Variants in HPS1 observed in about 807,000 individuals in gnomAD.
HPS1 encodes the protein HPS1 biogenesis of lysosomal organelles complex 3 subunit 1, also known as BLOC-3 complex member HPS1.
HPS1 carries 59 observed loss-of-function variants against 90.6 expected under a neutral mutation model. The ratio of observed to expected loss-of-function variants is 0.65; its 90% CI spans 0.53 to 0.81. The LOEUF is 0.81. Ranked by LOEUF, HPS1 falls within the 30% of genes least tolerant of loss-of-function variation. The pLI is 0.00. For synonymous variants in HPS1, 388 were observed against 384.4 expected, an observed-to-expected ratio of 1.01 and a Z score of -0.11; for missense variants, 849 against 896.7, an observed-to-expected ratio of 0.95 and a Z score of 0.68.
chr10:98,439,579 C>A (rs1938038409), intron 3 of HPS1, among the ~76,000 whole-genome samples: 1 of 152,202 alleles, frequency 6.6e-6, no homozygotes, highest in African/African-American at 2.4e-5. Flanking sequence ...AATGCCTATA[C>A]CCCCATTGTG....
At chr10:98,431,102 A>G (rs773688754) in intron 7 of HPS1, 29 bp downstream of exon 7, 9 of 1,612,880 alleles carry the variant, frequency 5.6e-6, no homozygotes, top group African/African-American at 1.3e-5. Flanking sequence ...GGGAGCCTTT[A>G]GCCACCACAT....
chr10:98,436,405 C>A (rs1429024527), intron 3 of HPS1, among the ~76,000 whole-genome samples: 1 of 152,118 alleles, frequency 6.6e-6, no homozygotes, highest in Non-Finnish European at 1.5e-5. Flanking sequence ...ATAGAAAAAA[C>A]GAAGTATTGA....
At chr10:98,413,985 G>A (rs1000162143), downstream of HPS1, 4 of 152,028 alleles carry the variant, frequency 2.6e-5, no homozygotes, top group African/African-American at 9.7e-5. Flanking sequence ...TTGTAAAATT[G>A]TGTGCAGTGT....
chr10:98,420,247 G>A (rs1444048460), intron 17 of HPS1, 89 bp from the exon 18 acceptor site: 24 of 933,164 alleles, frequency 2.6e-5, no homozygotes, highest in Admixed American at 2.3e-4. Flanking sequence ...GGGCACAGCC[G>A]AGAAGCTCCG....
intron 16 of HPS1, among the ~76,000 whole-genome samples, chr10:98,423,381 G>C (rs1022548653): frequency 6.8e-6 from 1 of 146,522 alleles, no homozygotes; most frequent in East Asian, 2.1e-4. Context: ...AATTAACTTT[G>C]GGACAGGAGG....
Position 98,417,798 on chromosome 10 carries a change from G to T in HPS1, c.1941-72C>A. On this transcript the variant is annotated intron_variant, in intron 19 of 19. Coordinates refer to ENST00000361490, the MANE Select transcript of HPS1 (RefSeq NM_000195.5). The surrounding 1 kb of genome is among the most constrained non-coding windows in gnomAD (Gnocchi z 4.2). The stretch of plus-strand genomic sequence containing the variant: ...TCCTCCAGCGCCAGAGGCCTCTCTG[G>T]GCCCTCGCAAGCAAATGCCCATGCC... 6.8e-7 allele frequency: 1 copy of T among 1,462,960 alleles called. No individual in the cohort carries two copies. The allele number at this position is 1,462,960 out of a possible 1,614,324, so 90.6% of individuals were successfully genotyped here.
At position 98,426,352 on chromosome 10, in the gene HPS1, C is replaced by CATTG. The variant is rs536674289; in HGVS notation, c.988-371_988-368dup. On this transcript the variant is annotated intron_variant, in intron 11 of 19. Transcript: ENST00000361490. ...ACAGATGGAGGTATCTAATGTTCAACATTGTATCATTTCAATCACCCTCAG... is the reference window on the plus strand; with the variant it reads ...ACAGATGGAGGTATCTAATGTTCAACATTGATTGTATCATTTCAATCACCCTCAG... Among the ~76,000 whole-genome samples the CATTG allele has an allele frequency of 1.2e-4, 18 of 152,308 alleles. No homozygotes were observed. In the East Asian group the frequency reaches 3.1e-3, roughly 26 times the overall value.
In HPS1 at chr10:98,425,603, C is replaced by T. The variant is rs1157200206; in HGVS notation, c.1273G>A (p.Val425Met). 8.1e-6 allele frequency: 13 copies of T among 1,613,858 alleles called. No individual in the cohort carries two copies. The highest frequency in any genetic ancestry group is 1.7e-4 in the Middle Eastern group (1 of 6,056). Reference protein sequence around the residue: ...PGASLRSQPLVGDLRQRMDKF... With the variant: ...PGASLRSQPLMGDLRQRMDKF... ...TCCATCCTCTGGCGCAGGTCTCCCA[C>T]GAGGGGCTGGGAGCGCAGGGAGGCC... Residue 425 changes from valine to methionine, a missense_variant, in exon 13 of 20, where the codon GTG (valine) becomes ATG (methionine). Physicochemically the swap from Val to Met is conservative, Grantham distance 21. Transcript: ENST00000361490.
At chr10:98,438,944 GT>G (rs1368747119) in intron 3 of HPS1, among the ~76,000 whole-genome samples, 1 of 152,122 alleles carries the variant, frequency 6.6e-6, no homozygotes, top group Non-Finnish European at 1.5e-5. Context: ...GGTGCCCTGC[GT>G]CCTAGCCATG....
rs74154475 is a variant in HPS1, at chr10:98,429,810, C to A, written c.848G>T (p.Gly283Val). The A allele has an allele frequency of 2.0e-5, 32 of 1,613,716 alleles. No individual in the cohort carries two copies. The highest frequency in any genetic ancestry group is 6.6e-5 in the South Asian group (6 of 91,090). Residue 283 changes from glycine to valine, a missense_variant, in exon 9 of 20, where the codon GGG (glycine) becomes GTG (valine). By Grantham distance (109) the Gly-to-Val change is moderately radical. Coordinates refer to ENST00000361490, the MANE Select transcript of HPS1 (RefSeq NM_000195.5). The stretch of plus-strand genomic sequence containing the variant: ...ACACACCGTCTCTGCAGAGCTCCCC[C>A]CAGTTGGGCCCGTGGAGTGAGGGCT... Reference protein sequence around the residue: ...AWSPHSTGPTGGSSAETETDS... With the variant: ...AWSPHSTGPTVGSSAETETDS...
chr10:98,434,382 A>C (rs1465803725), intron 5 of HPS1, among the ~76,000 whole-genome samples: 1 of 151,248 alleles, frequency 6.6e-6, no homozygotes, highest in African/African-American at 2.4e-5. Context: ...GGTGATGCTT[A>C]AGCTTCTCAC....
At chr10:98,446,093 T>C (rs1939468868) in intron 1 of HPS1, among the ~76,000 whole-genome samples, 2 of 152,124 alleles carry the variant, frequency 1.3e-5, no homozygotes, top group East Asian at 1.9e-4. Context: ...CATATTTGAA[T>C]AGAGGGCAGG....
At chr10:98,420,730 T>C (rs1362249842) in intron 17 of HPS1, among the ~76,000 whole-genome samples, 3 of 151,206 alleles carry the variant, frequency 2.0e-5, no homozygotes, top group Non-Finnish European at 2.9e-5. Context: ...AATAATAATA[T>C]TAAAAAAAAA....
In HPS1 at chr10:98,417,976, G is replaced by T. The variant is rs1239920257; in HGVS notation, c.1940+199C>A. 6.6e-6 allele frequency among the ~76,000 whole-genome samples: 1 copy of T among 152,160 alleles called. No homozygotes were observed. Among genetic ancestry groups the T allele is most frequent in the Non-Finnish European group, 1.5e-5 (1 of 68,014 alleles). On this transcript the variant is annotated intron_variant, in intron 19 of 19. Coordinates refer to ENST00000361490, the MANE Select transcript of HPS1 (RefSeq NM_000195.5). This position sits in a 1 kb window ranked among gnomAD's most constrained non-coding sequence, Gnocchi z 4.2. Reference sequence around the variant, plus strand: ...CGTGCTGCCAAGACCATGCCAGCAGGAAGGTGGTAGGAACACAGATGTACC... The same window carrying T: ...CGTGCTGCCAAGACCATGCCAGCAGTAAGGTGGTAGGAACACAGATGTACC...
chr10:98,420,295 C>G, intron 17 of HPS1, 137 bp from the exon 18 acceptor site: 2 of 720,646 alleles, frequency 2.8e-6, no homozygotes, highest in Admixed American at 2.0e-5. Context: ...CGGGCACTGC[C>G]TTGGCTCAGA....
intron 8 of HPS1, 99 bp from the exon 9 acceptor site, chr10:98,429,988 C>T (rs938397847): frequency 2.6e-5 from 26 of 1,009,436 alleles, no homozygotes; most frequent in South Asian, 5.7e-5. Context: ...TCCACCCCTC[C>T]ACCCCTCCAC....
chr10:98,423,355 C>G (rs1007104740), intron 16 of HPS1, among the ~76,000 whole-genome samples: 6 of 139,200 alleles, frequency 4.3e-5, no homozygotes, highest in African/African-American at 1.1e-4. Context: ...CATAAAGGGT[C>G]TTTATGGCTT....
rs991248223 is a variant in HPS1 at position 98,422,084 on chromosome 10, G to A, written c.1743+285C>T. Among the ~76,000 whole-genome samples the A allele has an allele frequency of 3.3e-5, 5 of 152,158 alleles. 1 individual carries two copies. In the South Asian group the frequency reaches 1.0e-3, roughly 32 times the overall value. On this transcript the variant is annotated intron_variant, in intron 17 of 19. Coordinates refer to ENST00000361490, the MANE Select transcript of HPS1 (RefSeq NM_000195.5). ...AAATACAACTTTGTCATGAAAAACA[G>A]TCAGTTAAATAAGGAGAATAAAAGA...
At chr10:98,423,508 C>T in intron 16 of HPS1, 95 bp downstream of exon 16, 1 of 1,166,040 alleles carries the variant, frequency 8.6e-7, no homozygotes, top group South Asian at 1.2e-5. Context: ...ATATATCCCC[C>T]TTCCCTGGGG....
Sources: allele counts gnomAD v4.1 joint callset (sites outside exome capture counted in the v4.1 genomes callset), GRCh38; gene constraint gnomAD v4.1.1; non-coding constraint Gnocchi (gnomAD v3.1); transcripts MANE v1.5; gene names NCBI Gene and HGNC (gene_info 2026-07-23, HGNC 2026-07-21).